Variants in DGKH observed in about 807,000 individuals in gnomAD.
DGKH encodes diacylglycerol kinase eta.
DGKH carries 90 observed loss-of-function variants against 159.3 expected under a neutral mutation model. The observed-to-expected ratio is 0.57, with a 90% CI of 0.48 to 0.67. The LOEUF is 0.67. DGKH is among the 30% of genes least tolerant of loss of function. DGKH has a pLI of 0.00. For missense variants in DGKH, 1,181 were observed against 1,506.1 expected, an observed-to-expected ratio of 0.78 and a Z score of 3.57; for synonymous variants, 536 against 553.8, an observed-to-expected ratio of 0.97 and a Z score of 0.45.
At chr13:42,209,993 ATTTT>A (rs34470988) in intron 23 of DGKH, among the ~76,000 whole-genome samples, 9 of 132,754 alleles carry the variant, frequency 6.8e-5, no homozygotes, top group African/African-American at 1.2e-4. Context: ...GCAATCATTG[ATTTT>A]TTTTTTTTTT....
intron 9 of DGKH, among the ~76,000 whole-genome samples, chr13:42,166,936 C>T (rs1203224143): frequency 1.3e-5 from 2 of 151,988 alleles, no homozygotes; most frequent in African/African-American, 4.8e-5. Flanking sequence ...TTCTTTAGCT[C>T]CAAGAAAGAT....
Position 42,146,150 on chromosome 13 carries a change from C to CTTTTTTTTTT in DGKH, c.385-9132_385-9123dup, listed in dbSNP as rs57139526. Among the ~76,000 whole-genome samples, 89 of 110,258 alleles carry CTTTTTTTTTT rather than the reference C, an allele frequency of 8.1e-4. 4 individuals are homozygous for CTTTTTTTTTT. Among genetic ancestry groups the CTTTTTTTTTT allele is most frequent in the Non-Finnish European group, 1.0e-3 (58 of 56,250 alleles). 72.3% of individuals were successfully genotyped at this position (110,258 alleles called of 152,430 possible). On this transcript the variant is annotated intron_variant, in intron 3 of 29. Transcript: ENST00000337343. ...TGTAAGAGTTCAGATTCTGGGGAGGCTTTTTTTTTTTTTTTTTTGTACAGG... is the reference window on the plus strand; with the variant it reads ...TGTAAGAGTTCAGATTCTGGGGAGGCTTTTTTTTTTTTTTTTTTTTTTTTTTTTGTACAGG...
At chr13:42,201,017 G>A (rs1263124151) in intron 20 of DGKH, among the ~76,000 whole-genome samples, 1 of 138,372 alleles carries the variant, frequency 7.2e-6, no homozygotes, top group African/African-American at 2.5e-5. Context: ...TTTTGAGATG[G>A]AGTCTCGCTC....
intron 1 of DGKH, among the ~76,000 whole-genome samples, chr13:42,058,546 T>C (rs1881919720): frequency 6.6e-6 from 1 of 152,222 alleles, no homozygotes; most frequent in Non-Finnish European, 1.5e-5. Flanking sequence ...AGAAGTTAGA[T>C]AGTGTTGGGT....
At chr13:42,137,614 A>G (rs1955427265) in intron 3 of DGKH, among the ~76,000 whole-genome samples, 1 of 152,174 alleles carries the variant, frequency 6.6e-6, no homozygotes, top group African/African-American at 2.4e-5. Flanking sequence ...TTACATGTTC[A>G]GTTGTTTTTT....
intron 20 of DGKH, among the ~76,000 whole-genome samples, chr13:42,202,467 C>T (rs1385666318): frequency 2.6e-5 from 4 of 152,108 alleles, no homozygotes; most frequent in Admixed American, 6.6e-5. Flanking sequence ...TGGTATGGAA[C>T]GAGGCTGACT....
chr13:42,159,019 C>G (rs922869095), intron 5 of DGKH, among the ~76,000 whole-genome samples: 1 of 152,044 alleles, frequency 6.6e-6, no homozygotes, highest in African/African-American at 2.4e-5. Flanking sequence ...GCATTTATTT[C>G]TTTTCTGTTC....
chr13:42,163,071 T>C (rs1363051086), intron 7 of DGKH, among the ~76,000 whole-genome samples: 1 of 147,380 alleles, frequency 6.8e-6, no homozygotes, highest in Admixed American at 6.8e-5. Flanking sequence ...GTCCACGTGT[T>C]CTCATTGTTC....
intron 1 of DGKH, among the ~76,000 whole-genome samples, chr13:42,043,445 T>A (rs1385645854): frequency 1.3e-5 from 2 of 151,314 alleles, no homozygotes; most frequent in Non-Finnish European, 2.9e-5. Flanking sequence ...CCAGGAGGGA[T>A]CCTCCCGTCT....
At chr13:42,161,781 C>CAAAAA (rs34855614) in intron 7 of DGKH, among the ~76,000 whole-genome samples, 4 of 100,576 alleles carry the variant, frequency 4.0e-5, no homozygotes, top group East Asian at 4.7e-4. Flanking sequence ...CTCTGCCTCT[C>CAAAAA]AAAAAAAAAA....
chr13:42,192,201 G>A (rs913910044), intron 16 of DGKH, among the ~76,000 whole-genome samples: 12 of 152,116 alleles, frequency 7.9e-5, no homozygotes, highest in Non-Finnish European at 1.5e-5. Flanking sequence ...TTTGAAATCA[G>A]ACCTCATGGA....
rs147370807 is a variant in DGKH, at chr13:42,073,183, G to T, written c.192+24218G>T. On this transcript the variant is annotated intron_variant, in intron 1 of 29. Transcript: ENST00000337343. ...TTGCTATCTATTTGGTAAGAGGAATGAAATTTTAGAGCAGTGTCCTGCTCG... is the reference window on the plus strand; with the variant it reads ...TTGCTATCTATTTGGTAAGAGGAATTAAATTTTAGAGCAGTGTCCTGCTCG... Among the ~76,000 whole-genome samples, 7 of 152,336 alleles carry T rather than the reference G, an allele frequency of 4.6e-5. No homozygotes were observed. The East Asian group carries it at 9.6e-4, about 21-fold the overall frequency.
chr13:42,145,729 C>A (rs541018737), intron 3 of DGKH, among the ~76,000 whole-genome samples: 3 of 152,242 alleles, frequency 2.0e-5, no homozygotes, highest in African/African-American at 7.2e-5. Context: ...GGTAGGGTTT[C>A]TTGTTGGTAG....
Position 42,233,458 on chromosome 13 carries a change from T to C in DGKH, c.*4270T>C, listed in dbSNP as rs1958349265. The C allele has an allele frequency of 6.6e-6, 1 of 152,250 alleles. No homozygotes were observed. The highest frequency in any genetic ancestry group is 2.4e-5 in the African/African-American group (1 of 41,458). The allele number at this position is 152,250 out of a possible 1,614,324, so 9.4% of individuals were successfully genotyped here. A position where few individuals can be genotyped will look rare whatever the true frequency, so the allele number is the denominator to read the frequency against. ...TTCCTTAGCTATTAGGGATGTGAGG[T>C]CCGAGGGCTTCAAAAGGTCCCCGGA... On this transcript the variant is annotated 3_prime_UTR_variant, in exon 30 of 30. Transcript: ENST00000337343.
At chr13:42,218,703 T>C (rs889847618) in intron 26 of DGKH, among the ~76,000 whole-genome samples, 1 of 152,024 alleles carries the variant, frequency 6.6e-6, no homozygotes, top group Admixed American at 6.6e-5. Context: ...GAGGCGGGGT[T>C]TCATCATGTT....
chr13:42,084,575 C>T (rs1449681222), intron 1 of DGKH, among the ~76,000 whole-genome samples: 1 of 151,938 alleles, frequency 6.6e-6, no homozygotes, highest in East Asian at 1.9e-4. Context: ...ATATGTATTA[C>T]AATGTATTGC....
intron 1 of DGKH, among the ~76,000 whole-genome samples, chr13:42,082,984 A>C (rs185471033): frequency 6.6e-6 from 1 of 152,220 alleles, no homozygotes; most frequent in African/African-American, 2.4e-5. Flanking sequence ...GGTTTATGCT[A>C]GAGGCTCTTA....
At chr13:42,122,342 T>C (rs1051765409) in intron 1 of DGKH, among the ~76,000 whole-genome samples, 3 of 152,188 alleles carry the variant, frequency 2.0e-5, no homozygotes, top group Non-Finnish European at 4.4e-5. Flanking sequence ...TTCTGGAGGC[T>C]GGAAAGTCCA....
At chr13:42,093,305 G>A (rs608334) in intron 1 of DGKH, among the ~76,000 whole-genome samples, 60,092 of 151,066 alleles carry the variant, frequency 0.4, 12,528 homozygotes, top group African/African-American at 0.51. Flanking sequence ...TCAAAACTAC[G>A]ATGAGATACC....
Sources: allele counts gnomAD v4.1 joint callset (sites outside exome capture counted in the v4.1 genomes callset), GRCh38; gene constraint gnomAD v4.1.1; transcripts MANE v1.5; gene names NCBI Gene and HGNC (gene_info 2026-07-23, HGNC 2026-07-21).